The following TENM3 variants were observed in gnomAD, a reference collection of about 807,000 sequenced individuals.
TENM3 encodes teneurin transmembrane protein 3.
A neutral mutation model predicts 255.1 loss-of-function variants in TENM3; 63 were observed. The observed-to-expected ratio is 0.25, with a 90% CI of 0.20 to 0.30. The LOEUF (loss-of-function observed/expected upper bound fraction) is 0.30. Ranked by LOEUF, TENM3 falls within the 10% of genes least tolerant of loss-of-function variation. The pLI is 1.00. For missense variants in TENM3, 2,929 were observed against 3,461.1 expected (o/e 0.85, Z 3.86); for synonymous variants, 1,306 against 1,322.3 (o/e 0.99, Z 0.27).
intron 4 of TENM3, among the ~76,000 whole-genome samples, chr4:182,621,362 C>T (rs1750120163): frequency 6.6e-6 from 1 of 151,612 alleles, no homozygotes; most frequent in African/African-American, 2.4e-5. Flanking sequence ...ACCAAGGCCC[C>T]AGTCTGATAT....
At chr4:181,849,967 A>T in the TENM3 span, among the ~76,000 whole-genome samples, 5 of 143,058 alleles carry the variant, frequency 3.5e-5, no homozygotes, top group African/African-American at 1.3e-4. Context: ...ACACACACAC[A>T]CACACACACA....
the TENM3 span, among the ~76,000 whole-genome samples, chr4:181,461,692 T>C: frequency 6.6e-6 from 1 of 152,214 alleles, no homozygotes; most frequent in Non-Finnish European, 1.5e-5. Flanking sequence ...GTATTTTTTA[T>C]CTTTAGAAGT....
the TENM3 span, among the ~76,000 whole-genome samples, chr4:181,893,661 A>G: frequency 1.3e-5 from 2 of 151,948 alleles, no homozygotes; most frequent in Admixed American, 1.3e-4. Context: ...CCCAAATGAA[A>G]TGTTCTCGTG....
intron 1 of TENM3, among the ~76,000 whole-genome samples, chr4:182,164,612 A>G (rs532690872): frequency 6.6e-6 from 1 of 152,194 alleles, no homozygotes; most frequent in Non-Finnish European, 1.5e-5. Context: ...TGCATAAAAC[A>G]TAATACATAA....
the TENM3 span, among the ~76,000 whole-genome samples, chr4:181,635,128 G>A: frequency 1.5e-4 from 23 of 152,210 alleles, no homozygotes; most frequent in Non-Finnish European, 2.2e-4. Context: ...GGATTTAGCC[G>A]TCAAAATTTT....
the TENM3 span, among the ~76,000 whole-genome samples, chr4:181,706,116 G>A: frequency 6.6e-6 from 1 of 152,000 alleles, no homozygotes; most frequent in Non-Finnish European, 1.5e-5. Flanking sequence ...CATGAGGGAG[G>A]AGCTGTTCCA....
the TENM3 span, among the ~76,000 whole-genome samples, chr4:181,706,331 A>G: frequency 6.6e-6 from 1 of 152,140 alleles, no homozygotes; most frequent in South Asian, 2.1e-4. Flanking sequence ...GCATTCTGAG[A>G]TCCAGGGGCG....
chr4:182,558,273 A>G (rs1290682680), intron 3 of TENM3, among the ~76,000 whole-genome samples: 1 of 152,198 alleles, frequency 6.6e-6, no homozygotes, highest in Non-Finnish European at 1.5e-5. Flanking sequence ...CAGCATCTCC[A>G]TCAGGTTTTT....
chr4:181,716,489 G>A, the TENM3 span, among the ~76,000 whole-genome samples: 1 of 152,124 alleles, frequency 6.6e-6, no homozygotes, highest in Non-Finnish European at 1.5e-5. Flanking sequence ...CCATGGCTCT[G>A]CCTACAACAC....
intron 3 of TENM3, among the ~76,000 whole-genome samples, chr4:182,441,058 CT>C (rs1236249997): frequency 6.6e-6 from 1 of 151,608 alleles, no homozygotes; most frequent in Non-Finnish European, 1.5e-5. Context: ...CACGGAAGGG[CT>C]TTTTTTTAAC....
At chr4:182,619,936 T>G (rs1257795760) in intron 4 of TENM3, among the ~76,000 whole-genome samples, 1 of 152,234 alleles carries the variant, frequency 6.6e-6, no homozygotes, top group Non-Finnish European at 1.5e-5. Context: ...GCTTTATTGC[T>G]GAATACAATG....
chr4:182,755,133 T>C lies in TENM3; in HGVS notation c.4766T>C (p.Ile1589Thr), dbSNP rs1762633360. ...SPDNQVIWLTIGTNGCLKSMT... is the reference protein window; with the variant it reads ...SPDNQVIWLTTGTNGCLKSMT... ...GATAACCAAGTGATATGGTTGACAA[T>C]AGGAACAAATGGATGTTTGAAAAGC... The change falls in exon 22 of 28, where the codon ATA becomes ACA. Residue 1589 changes from isoleucine to threonine, a missense_variant. By Grantham distance (89) the Ile-to-Thr change is moderately conservative (BLOSUM62 -1). Around this residue, in one of 6 missense-constraint regions of TENM3, gnomAD observed 1,608 missense variants for 1,884.4 expected, o/e 0.85. Coordinates refer to ENST00000511685, the MANE Select transcript of TENM3 (RefSeq NM_001080477.4). 3.1e-6 allele frequency: 5 copies of C among 1,613,856 alleles called. No individual in the cohort carries two copies. The highest frequency in any genetic ancestry group is 3.4e-6 in the Non-Finnish European group (4 of 1,179,898).
intron 2 of TENM3, among the ~76,000 whole-genome samples, chr4:182,330,482 T>C (rs1266993682): frequency 2.0e-5 from 3 of 152,308 alleles, no homozygotes; most frequent in Non-Finnish European, 2.9e-5. Context: ...GGGTCTTATG[T>C]CCTGCTTCAG....
At chr4:182,359,916 T>A (rs1245529443) in intron 3 of TENM3, among the ~76,000 whole-genome samples, 1 of 150,984 alleles carries the variant, frequency 6.6e-6, no homozygotes, top group Non-Finnish European at 1.5e-5. Context: ...TTCTGGTATG[T>A]TGTGTCTTTG....
chr4:182,521,701 A>T (rs1738592208), intron 3 of TENM3, among the ~76,000 whole-genome samples: 1 of 152,224 alleles, frequency 6.6e-6, no homozygotes, highest in Admixed American at 6.5e-5. Context: ...CCCTATTTTT[A>T]ATGCGTTTCA....
chr4:182,400,493 T>C (rs1267288008), intron 3 of TENM3, among the ~76,000 whole-genome samples: 2 of 152,242 alleles, frequency 1.3e-5, no homozygotes, highest in African/African-American at 2.4e-5. Flanking sequence ...GCTCATTTCA[T>C]TTATTTCCAA....
intron 1 of TENM3, among the ~76,000 whole-genome samples, chr4:182,316,399 A>G (rs1259351972): frequency 2.0e-5 from 3 of 151,862 alleles, no homozygotes; most frequent in Non-Finnish European, 2.9e-5. Context: ...AACAGACACT[A>G]TTCTTGGCCT....
chr4:182,062,501 G>A, the TENM3 span, among the ~76,000 whole-genome samples: 2 of 152,106 alleles, frequency 1.3e-5, no homozygotes, highest in Non-Finnish European at 2.9e-5. Context: ...TCTATGCATG[G>A]TATTACTTTT....
intron 3 of TENM3, among the ~76,000 whole-genome samples, chr4:182,422,589 G>A (rs1770919115): frequency 6.6e-6 from 1 of 152,160 alleles, no homozygotes; most frequent in African/African-American, 2.4e-5. Context: ...ATTCTCTCCG[G>A]CTTTACTGGG....
Sources: gnomAD v4.1 joint callset for allele counts (sites outside exome capture counted in the v4.1 genomes callset) on GRCh38, gnomAD v4.1.1 for gene constraint, gnomAD v4.1.1 regional missense constraint, MANE v1.5 for transcripts, NCBI Gene and HGNC (gene_info 2026-07-23, HGNC 2026-07-21) for gene names.